KIFBP: variants seen among roughly 807,000 people sequenced by gnomAD.
The protein encoded by KIFBP is KIF-binding protein.
In KIFBP, 46 loss-of-function variants were observed where a neutral mutation model predicts 58.9. The ratio of observed to expected loss-of-function variants is 0.78; its 90% CI spans 0.62 to 1.00. The LOEUF is 1.00. Ranked by LOEUF, KIFBP falls within the 50% of genes least tolerant of loss-of-function variation. The pLI is 0.00. For synonymous variants in KIFBP, 241 were observed against 283.4 expected, an observed-to-expected ratio of 0.85 and a Z score of 1.50; for missense variants, 651 against 752.9, an observed-to-expected ratio of 0.86 and a Z score of 1.58.
chr10:69,012,513 A>T (rs10998527), intron 6 of KIFBP, among the ~76,000 whole-genome samples: 3 of 147,862 alleles, frequency 2.0e-5, no homozygotes, highest in South Asian at 2.1e-4. Flanking sequence ...AAGTATGATA[A>T]TTTTTTTTTT....
chr10:68,991,310 C>T, intron 1 of KIFBP: 1 of 209,668 alleles, frequency 4.8e-6, no homozygotes, highest in Non-Finnish European at 1.0e-5. Flanking sequence ...CTTTGCCTCT[C>T]CGTTAAGTCA....
intron 6 of KIFBP, 91 bp downstream of exon 6, chr10:69,011,106 TTGTGTTTA>T: frequency 1.2e-6 from 1 of 828,410 alleles, no homozygotes; most frequent in East Asian, 2.5e-5. Context: ...TGGGGTCACA[TTGTGTTTA>T]ATATGAAAGG....
intron 2 of KIFBP, among the ~76,000 whole-genome samples, chr10:69,004,487 T>A (rs1843510094): frequency 6.6e-6 from 1 of 152,224 alleles, no homozygotes. Context: ...TAAAATTTTG[T>A]CAAATGTGAA....
rs1036443400 is a variant in KIFBP at position 68,989,670 on chromosome 10, G to A, written c.426+412G>A. On this transcript the variant is annotated intron_variant, in intron 1 of 6. Transcript: ENST00000361983. ...ACGTCTCAAGGAAATGACAATGACCGGAGTACATTCTTTTTTGGTTTTGTC... is the reference window on the plus strand; with the variant it reads ...ACGTCTCAAGGAAATGACAATGACCAGAGTACATTCTTTTTTGGTTTTGTC... 8 of 210,580 alleles carry A rather than the reference G, an allele frequency of 3.8e-5. No individual in the cohort carries two copies. In the East Asian group the frequency reaches 1.0e-3, roughly 27 times the overall value. 13.0% of individuals were successfully genotyped at this position (210,580 alleles called of 1,614,324 possible). A position where few individuals can be genotyped will look rare whatever the true frequency, so the allele number is the denominator to read the frequency against.
chr10:69,008,391 A>AAAAAATAT lies in KIFBP; in HGVS notation c.790-449_790-448insAAAATATA. Reference sequence around the variant, plus strand: ...CCCCTGTCTCGTAAAAAAAAAAAAAAATATATATATATATATATATATATA... The same window carrying AAAAAATAT: ...CCCCTGTCTCGTAAAAAAAAAAAAAAAAAAATATATATATATATATATATATATATATA... On this transcript the variant is annotated intron_variant, in intron 4 of 6. Transcript: ENST00000361983. Among the ~76,000 whole-genome samples the AAAAAATAT allele has an allele frequency of 1.1e-3, 78 of 71,584 alleles. 1 individual carries two copies. Among genetic ancestry groups the AAAAAATAT allele is most frequent in the African/African-American group, 1.6e-3 (20 of 12,886 alleles). The allele number at this position is 71,584 out of a possible 152,430, so 47.0% of individuals were successfully genotyped here. A position where few individuals can be genotyped will look rare whatever the true frequency, so the allele number is the denominator to read the frequency against.
In KIFBP at chr10:69,008,888, T is replaced by C; in HGVS notation, c.837T>C (p.Ile279=). The C allele has an allele frequency of 6.2e-7, 1 of 1,613,874 alleles. No homozygotes were observed. Among genetic ancestry groups the C allele is most frequent in the Non-Finnish European group, 8.5e-7 (1 of 1,179,858 alleles). The change falls in exon 5 of 7, where the codon ATT becomes ATC. Residue 279 remains isoleucine, a synonymous_variant. Transcript: ENST00000361983. ...ACTGTTTATCAGCTGCTAATGTCATTTTTGGTCAAACTGGAAAGATCTCAG... is the reference window on the plus strand; with the variant it reads ...ACTGTTTATCAGCTGCTAATGTCATCTTTGGTCAAACTGGAAAGATCTCAG... ...ARHCLSAANV[I]FGQTGKISAT... is the part of the protein sequence containing the mutation.
chr10:68,990,204 T>A (rs2132105241), intron 1 of KIFBP, among the ~76,000 whole-genome samples: 1 of 152,276 alleles, frequency 6.6e-6, no homozygotes, highest in Middle Eastern at 3.4e-3. Context: ...TATAATACTT[T>A]TTGTTTCCCA....
chr10:68,999,052 A>G (rs1843436412), intron 1 of KIFBP, among the ~76,000 whole-genome samples: 2 of 151,150 alleles, frequency 1.3e-5, no homozygotes. Context: ...AAGTGCTGGG[A>G]TTACAGGTGT....
At chr10:68,991,370 C>G (rs950006387) in intron 1 of KIFBP, 22 of 289,476 alleles carry the variant, frequency 7.6e-5, no homozygotes, top group African/African-American at 4.7e-4. Context: ...TGGTGTTGAT[C>G]GGTGTATACA....
At chr10:69,010,629 A>G (rs1449190783) in intron 5 of KIFBP, among the ~76,000 whole-genome samples, 1 of 152,230 alleles carries the variant, frequency 6.6e-6, no homozygotes, top group African/African-American at 2.4e-5. Context: ...TTAATTGTAT[A>G]TAATGGTGTA....
intron 5 of KIFBP, among the ~76,000 whole-genome samples, chr10:69,010,272 C>G (rs1843577313): frequency 6.6e-6 from 1 of 152,104 alleles, no homozygotes; most frequent in African/African-American, 2.4e-5. Flanking sequence ...TGTGTAAACT[C>G]TTTTACTCAG....
chr10:68,993,359 C>A (rs1309432712), intron 1 of KIFBP, among the ~76,000 whole-genome samples: 1 of 152,148 alleles, frequency 6.6e-6, no homozygotes. Flanking sequence ...TTTCTACTGA[C>A]CTTGCTTGGT....
chr10:69,015,699 CT>C lies in KIFBP; in HGVS notation c.1151del (p.Leu384Ter). On this transcript the variant is annotated frameshift_variant, in exon 7 of 7. Coordinates refer to ENST00000361983, the MANE Select transcript of KIFBP (RefSeq NM_015634.4). LOFTEE classifies it high-confidence loss of function. Reference sequence around the variant, plus strand: ...CTGCAGTAGAAGAGAAAGTGAGCTACTTGAGACCTTTAGATTTTGAAGAAGC... The same window carrying C: ...CTGCAGTAGAAGAGAAAGTGAGCTACTGAGACCTTTAGATTTTGAAGAAGC... ...ISAVEEKVSY[L>X]RPLDFEEARE... 5 of 1,614,214 alleles carry C rather than the reference CT, an allele frequency of 3.1e-6. No homozygotes were observed. The South Asian group carries it at 5.5e-5, about 18-fold the overall frequency.
intron 4 of KIFBP, among the ~76,000 whole-genome samples, chr10:69,008,490 C>T (rs913662749): frequency 6.9e-6 from 1 of 144,182 alleles, no homozygotes; most frequent in African/African-American, 2.6e-5. Flanking sequence ...TTAGACTGAA[C>T]CTAAAGGAGT....
intron 4 of KIFBP, among the ~76,000 whole-genome samples, chr10:69,008,388 A>AT (rs1447640216): frequency 0.031 from 2,956 of 94,432 alleles, 45 homozygotes; most frequent in Non-Finnish European, 0.045. Context: ...AAAAAAAAAA[A>AT]AAAATATATA....
At chr10:69,007,944 A>G (rs1172749358) in intron 4 of KIFBP, among the ~76,000 whole-genome samples, 1 of 152,182 alleles carries the variant, frequency 6.6e-6, no homozygotes, top group Non-Finnish European at 1.5e-5. Context: ...TGAAGTCTTC[A>G]AGAGTGTTGG....
chr10:69,014,956 A>T (rs555480170), intron 6 of KIFBP, among the ~76,000 whole-genome samples: 2 of 151,986 alleles, frequency 1.3e-5, no homozygotes, highest in South Asian at 2.1e-4. Flanking sequence ...GGAGTCTTGC[A>T]CTGTCACCCA....
At position 69,015,667 on chromosome 10, in the gene KIFBP, G is replaced by A. The variant is rs770724316; in HGVS notation, c.1117G>A (p.Ala373Thr). The part of the protein sequence containing the change: ...VQFGTGELCD[A>T]ISAVEEKVSY... ...GTTTGGAACCGGTGAACTGTGTGAT[G>A]CCATCTCTGCAGTAGAAGAGAAAGT... The change falls in exon 7 of 7, where the codon GCC becomes ACC. Residue 373 changes from alanine to threonine, a missense_variant. Transcript: ENST00000361983. 127 of 1,614,074 alleles carry A rather than the reference G, an allele frequency of 7.9e-5. No homozygotes were observed. Among genetic ancestry groups the A allele is most frequent in the Non-Finnish European group, 1.0e-4 (122 of 1,180,046 alleles).
rs946518833 is a variant in KIFBP at position 69,016,032 on chromosome 10, G to T, written c.1482G>T (p.Arg494Ser). 6.2e-7 allele frequency: 1 copy of T among 1,614,080 alleles called. No individual in the cohort carries two copies. Residue 494 changes from arginine to serine, a missense_variant, in exon 7 of 7, where the codon AGG (arginine) becomes AGT (serine). Transcript: ENST00000361983. The stretch of plus-strand genomic sequence containing the variant: ...ATTTGAAGGTTGCCATTGCTGACAG[G>T]CTAAGGGATCCTGATTCACACATTG... ...MMDLKVAIAD[R>S]LRDPDSHIVK... is the part of the protein sequence containing the mutation.
Sources: gnomAD v4.1 joint callset for allele counts (sites outside exome capture counted in the v4.1 genomes callset) on GRCh38, gnomAD v4.1.1 for gene constraint, MANE v1.5 for transcripts, NCBI Gene and HGNC (gene_info 2026-07-23, HGNC 2026-07-21) for gene names.